The following BMERB1 variants were observed in gnomAD, a reference collection of about 807,000 sequenced individuals.
BMERB1 encodes the protein bMERB domain-containing protein 1.
BMERB1 carries 12 observed loss-of-function variants against 23.6 expected under a neutral mutation model. The observed-to-expected ratio is 0.51, with a 90% confidence interval of 0.33 to 0.82. BMERB1 has a LOEUF of 0.82. BMERB1 is among the 40% of genes least tolerant of loss of function. The pLI, the probability that BMERB1 is intolerant of heterozygous loss-of-function variation, is 0.03. For synonymous variants in BMERB1, 122 were observed against 96.6 expected, an observed-to-expected ratio of 1.26 and a Z score of -1.54; for missense variants, 247 against 255.4, an observed-to-expected ratio of 0.97 and a Z score of 0.22.
At chr16:15,466,726 G>C (rs2051183876) in intron 1 of BMERB1, among the ~76,000 whole-genome samples, 2 of 151,816 alleles carry the variant, frequency 1.3e-5, no homozygotes, top group South Asian at 4.1e-4. Flanking sequence ...GTGTCTGTGT[G>C]TGTGTGTGTG....
chr16:15,488,704 G>C (rs1275444894), intron 1 of BMERB1, among the ~76,000 whole-genome samples: 1 of 150,176 alleles, frequency 6.7e-6, no homozygotes, highest in African/African-American at 2.4e-5. Context: ...TTAGCTGGGC[G>C]TGGTGGTGGG....
chr16:15,457,790 G>C (rs1164130241), intron 1 of BMERB1, among the ~76,000 whole-genome samples: 9 of 152,086 alleles, frequency 5.9e-5, no homozygotes, highest in African/African-American at 1.9e-4. Context: ...CTGCTATAAA[G>C]AAATACCCAA....
intron 2 of BMERB1, among the ~76,000 whole-genome samples, chr16:15,532,009 C>A (rs1050367981): frequency 6.6e-6 from 1 of 152,140 alleles, no homozygotes; most frequent in Non-Finnish European, 1.5e-5. Context: ...CCCGAGCACC[C>A]CCTTAAGGCA....
chr16:15,552,218 T>C (rs2030112221), intron 2 of BMERB1, among the ~76,000 whole-genome samples: 1 of 151,920 alleles, frequency 6.6e-6, no homozygotes, highest in Non-Finnish European at 1.5e-5. Context: ...GGTGGGTGGA[T>C]CACTTGAGGT....
At chr16:15,556,987 C>T (rs754792451) in intron 2 of BMERB1, among the ~76,000 whole-genome samples, 3 of 152,170 alleles carry the variant, frequency 2.0e-5, no homozygotes, top group African/African-American at 4.8e-5. Context: ...CAATCCTTGC[C>T]TCTGAAAACC....
chr16:15,510,517 C>G (rs1292286892), intron 1 of BMERB1, among the ~76,000 whole-genome samples: 1 of 152,100 alleles, frequency 6.6e-6, no homozygotes, highest in Non-Finnish European at 1.5e-5. Context: ...TAATTCATCC[C>G]TCACATCTGT....
chr16:15,509,712 G>A (rs1192524600), intron 1 of BMERB1, among the ~76,000 whole-genome samples: 1 of 152,140 alleles, frequency 6.6e-6, no homozygotes. Context: ...TGTGCTCTGT[G>A]TGCAGGATCT....
At chr16:15,463,597 A>G (rs986326481) in intron 1 of BMERB1, among the ~76,000 whole-genome samples, 1 of 152,122 alleles carries the variant, frequency 6.6e-6, no homozygotes, top group African/African-American at 2.4e-5. Context: ...CTGAGACTGT[A>G]GCTTTCACGT....
chr16:15,452,799 C>A (rs550512540), intron 1 of BMERB1, among the ~76,000 whole-genome samples: 6 of 152,214 alleles, frequency 3.9e-5, no homozygotes, highest in Admixed American at 3.3e-4. Context: ...ATCGGACCAG[C>A]TAGGATCAAG....
intron 1 of BMERB1, among the ~76,000 whole-genome samples, chr16:15,439,916 G>A (rs908392889): frequency 6.6e-6 from 1 of 152,078 alleles, no homozygotes; most frequent in Non-Finnish European, 1.5e-5. Flanking sequence ...AAATGGAGGA[G>A]TTGGAGGCGG....
chr16:15,540,158 A>G (rs776371807), intron 2 of BMERB1, among the ~76,000 whole-genome samples: 14 of 152,260 alleles, frequency 9.2e-5, no homozygotes, highest in South Asian at 6.2e-4. Flanking sequence ...AAAAATATAT[A>G]TAATTTTCAT....
At chr16:15,476,351 C>T (rs760572279) in intron 1 of BMERB1, among the ~76,000 whole-genome samples, 3 of 152,084 alleles carry the variant, frequency 2.0e-5, no homozygotes, top group Non-Finnish European at 4.4e-5. Context: ...TCAGTAGAGA[C>T]AGGGTTTCAC....
At chr16:15,448,791 C>G (rs797017120) in intron 1 of BMERB1, among the ~76,000 whole-genome samples, 1 of 151,556 alleles carries the variant, frequency 6.6e-6, no homozygotes, top group Non-Finnish European at 1.5e-5. Flanking sequence ...GAATCTGTCT[C>G]AAAAAAAACT....
At position 15,434,730 on chromosome 16, in the gene BMERB1, C is replaced by A. The variant is rs543201192; in HGVS notation, c.77C>A (p.Thr26Lys). ...PLRRYGAVEE[T>K]AWKTERLGRN... ...AGGCGCTATGGGGCGGTGGAGGAGA[C>A]GGCTTGGAAAACGGAGAGACTGGGG... Residue 26 changes from threonine to lysine, a missense_variant, in exon 1 of 6, where the codon ACG becomes AAG. By Grantham distance (78) the Thr-to-Lys change is moderately conservative. Coordinates refer to ENST00000300006, the MANE Select transcript of BMERB1 (RefSeq NM_033201.3). 3 of 1,595,130 alleles carry A rather than the reference C, an allele frequency of 1.9e-6. No individual in the cohort carries two copies. The highest frequency in any genetic ancestry group is 2.6e-6 in the Non-Finnish European group (3 of 1,173,144).
intron 2 of BMERB1, among the ~76,000 whole-genome samples, chr16:15,534,341 G>A (rs891691054): frequency 2.1e-4 from 30 of 145,280 alleles, no homozygotes; most frequent in Admixed American, 1.9e-3. Flanking sequence ...GGTGGCTCAC[G>A]TCTGTAATCC....
intron 1 of BMERB1, among the ~76,000 whole-genome samples, chr16:15,473,872 C>A (rs2150932681): frequency 6.6e-6 from 1 of 152,088 alleles, no homozygotes; most frequent in Non-Finnish European, 1.5e-5. Context: ...GTAATCCCAG[C>A]ACTTTGGGAG....
chr16:15,486,541 G>A (rs2051370440), intron 1 of BMERB1, among the ~76,000 whole-genome samples: 1 of 152,124 alleles, frequency 6.6e-6, no homozygotes, highest in Admixed American at 6.5e-5. Context: ...GAGCCTATTG[G>A]TCCAGCTTGG....
intron 2 of BMERB1, among the ~76,000 whole-genome samples, chr16:15,544,995 C>T (rs182551633): frequency 2.9e-4 from 44 of 151,672 alleles, no homozygotes; most frequent in East Asian, 2.1e-3. Context: ...TTTTTTGAGA[C>T]GGAGTCTCGC....
At chr16:15,456,771 G>A (rs767635638) in intron 1 of BMERB1, among the ~76,000 whole-genome samples, 1 of 152,016 alleles carries the variant, frequency 6.6e-6, no homozygotes, top group Non-Finnish European at 1.5e-5. Flanking sequence ...GATAAAGAAT[G>A]CTGCAATAAA....
Sources: gnomAD v4.1 joint callset for allele counts (sites outside exome capture counted in the v4.1 genomes callset) on GRCh38, gnomAD v4.1.1 for gene constraint, MANE v1.5 for transcripts, NCBI Gene and HGNC (gene_info 2026-07-23, HGNC 2026-07-21) for gene names.